The following SAMTOR variants were observed in gnomAD, a reference collection of about 807,000 sequenced individuals.
SAMTOR encodes UPF0532 protein C7orf60.
At chr7:112,889,380 C>G in the SAMTOR span, among the ~76,000 whole-genome samples, 1 of 152,160 alleles carries the variant, frequency 6.6e-6, no homozygotes, top group African/African-American at 2.4e-5. Context: ...AGAATTAGAA[C>G]GTATCCCATT....
chr7:112,899,128 A>G, the SAMTOR span, among the ~76,000 whole-genome samples: 3 of 152,182 alleles, frequency 2.0e-5, no homozygotes, highest in East Asian at 5.8e-4. Context: ...GGAGTAGTAC[A>G]GATATATGAC....
At chr7:112,928,514 G>C in the SAMTOR span, among the ~76,000 whole-genome samples, 1 of 151,904 alleles carries the variant, frequency 6.6e-6, no homozygotes, top group African/African-American at 2.4e-5. Context: ...GACTACTTTT[G>C]ATTTACAATT....
the SAMTOR span, among the ~76,000 whole-genome samples, chr7:112,828,169 T>C: frequency 6.6e-6 from 1 of 152,200 alleles, no homozygotes; most frequent in Non-Finnish European, 1.5e-5. Flanking sequence ...CTCTATATCA[T>C]TATTTTTGCT....
At chr7:112,821,581 T>C in the SAMTOR span, 3 of 594,460 alleles carry the variant, frequency 5.0e-6, no homozygotes, top group South Asian at 3.3e-5. Flanking sequence ...TATATAAGAA[T>C]AAATTTTAAA....
chr7:112,935,056 C>G, the SAMTOR span: 1 of 248,286 alleles, frequency 4.0e-6, no homozygotes, highest in Admixed American at 5.6e-5. Context: ...GCAAACTTAA[C>G]AGGACCTTCT....
At chr7:112,907,977 C>T in the SAMTOR span, among the ~76,000 whole-genome samples, 1 of 152,060 alleles carries the variant, frequency 6.6e-6, no homozygotes, top group Non-Finnish European at 1.5e-5. Flanking sequence ...TGCAATTCCA[C>T]ACCTAGGAAT....
the SAMTOR span, among the ~76,000 whole-genome samples, chr7:112,922,468 G>T: frequency 6.6e-6 from 1 of 151,848 alleles, no homozygotes; most frequent in African/African-American, 2.4e-5. Context: ...TCTGGAAAGT[G>T]AGGAGCGTCT....
At chr7:112,886,714 A>G in the SAMTOR span, among the ~76,000 whole-genome samples, 9 of 152,194 alleles carry the variant, frequency 5.9e-5, no homozygotes, top group Non-Finnish European at 1.0e-4. Context: ...GACTTCATAC[A>G]GTGTAGCTTG....
chr7:112,876,882 C>G, the SAMTOR span, among the ~76,000 whole-genome samples: 1 of 152,150 alleles, frequency 6.6e-6, no homozygotes, highest in East Asian at 1.9e-4. Context: ...CACTGTTAAG[C>G]CCTCATTCCT....
chr7:112,902,426 AAACAAAAAAAAACAAAAAAAAAC>A, the SAMTOR span, among the ~76,000 whole-genome samples: 177 of 100,560 alleles, frequency 1.8e-3, 11 homozygotes, highest in African/African-American at 6.5e-3. Flanking sequence ...CAAAAAAAAA[AAACAAAAAAAAACAAAAAAAAAC>A]AAAAAAAAAA....
At chr7:112,823,485 G>A in the SAMTOR span, among the ~76,000 whole-genome samples, 1 of 152,130 alleles carries the variant, frequency 6.6e-6, no homozygotes, top group South Asian at 2.1e-4. Flanking sequence ...TTTCTTGCAG[G>A]TATTAATAGT....
chr7:112,832,746 T>G, the SAMTOR span: 1 of 1,046,894 alleles, frequency 9.6e-7, no homozygotes, highest in Non-Finnish European at 1.5e-6. Flanking sequence ...TTATCAGTTC[T>G]TTAACTTTTT....
chr7:112,839,709 A>C, the SAMTOR span, among the ~76,000 whole-genome samples: 14 of 151,850 alleles, frequency 9.2e-5, no homozygotes, highest in African/African-American at 3.1e-4. Flanking sequence ...ATCAAAAATA[A>C]ATCTCCCCAA....
At chr7:112,896,175 G>C in the SAMTOR span, among the ~76,000 whole-genome samples, 5 of 152,124 alleles carry the variant, frequency 3.3e-5, no homozygotes, top group African/African-American at 9.7e-5. Flanking sequence ...TGATAACAAA[G>C]TCAGGGTGAG....
At chr7:112,902,897 G>C in the SAMTOR span, among the ~76,000 whole-genome samples, 1 of 152,218 alleles carries the variant, frequency 6.6e-6, no homozygotes, top group South Asian at 2.1e-4. Flanking sequence ...GTATTAAACT[G>C]AGAGGGACAC....
At chr7:112,897,926 A>G in the SAMTOR span, among the ~76,000 whole-genome samples, 3 of 152,208 alleles carry the variant, frequency 2.0e-5, no homozygotes, top group African/African-American at 7.2e-5. Context: ...CTCCATAGAC[A>G]GTCTTGAACT....
the SAMTOR span, among the ~76,000 whole-genome samples, chr7:112,866,431 T>C: frequency 6.6e-6 from 1 of 152,234 alleles, no homozygotes; most frequent in African/African-American, 2.4e-5. Context: ...CATCTCAGAA[T>C]TCTGTGCAAC....
chr7:112,863,408 T>C, the SAMTOR span, among the ~76,000 whole-genome samples: 1 of 152,288 alleles, frequency 6.6e-6, no homozygotes, highest in African/African-American at 2.4e-5. Flanking sequence ...TAAAAGCAGT[T>C]GCACAAAAGC....
chr7:112,903,773 G>GT, the SAMTOR span, among the ~76,000 whole-genome samples: 12 of 152,082 alleles, frequency 7.9e-5, no homozygotes, highest in Admixed American at 7.9e-4. Flanking sequence ...GTGAGTCAAG[G>GT]ATTTTCTATC....
Sources: gnomAD v4.1 joint callset for allele counts (sites outside exome capture counted in the v4.1 genomes callset) on GRCh38, gnomAD v4.1.1 for gene constraint, MANE v1.5 for transcripts, NCBI Gene and HGNC (gene_info 2026-07-23, HGNC 2026-07-21) for gene names.